The following JAM2 variants were observed in gnomAD, a reference collection of about 807,000 sequenced individuals.
JAM2 encodes the protein junctional adhesion molecule 2, also known as junctional adhesion molecule B.
Under a neutral mutation model 42.0 loss-of-function variants are expected in JAM2, and 17 were observed. The ratio of observed to expected loss-of-function variants is 0.40; its 90% CI spans 0.28 to 0.61. The LOEUF is 0.61. Ranked by LOEUF, JAM2 falls within the 20% of genes least tolerant of loss-of-function variation. The pLI, the probability that JAM2 is intolerant of heterozygous loss-of-function variation, is 0.37. For missense variants in JAM2, 319 were observed against 358.3 expected (o/e 0.89, Z 0.89); for synonymous variants, 118 against 128.6 (o/e 0.92, Z 0.56).
intron 1 of JAM2, among the ~76,000 whole-genome samples, chr21:25,653,407 A>G (rs2032836731): frequency 6.6e-6 from 1 of 152,208 alleles, no homozygotes; most frequent in South Asian, 2.1e-4. Context: ...CTGGTGTATT[A>G]GTCTGTTTTC....
Position 25,707,235 on chromosome 21 carries a change from A to G in JAM2, c.805+1149A>G, listed in dbSNP as rs559140208. 2.0e-5 allele frequency among the ~76,000 whole-genome samples: 3 copies of G among 152,212 alleles called. No individual in the cohort carries two copies. In the South Asian group the frequency reaches 6.2e-4, roughly 32 times the overall value. On this transcript the variant is annotated intron_variant, in intron 7 of 9. Transcript: ENST00000480456. ...GGTGGCTCATGCCTGTCATCCTACCACTTTGGGAGTCTGAGGCGGGAGGAT... is the reference window on the plus strand; with the variant it reads ...GGTGGCTCATGCCTGTCATCCTACCGCTTTGGGAGTCTGAGGCGGGAGGAT...
At chr21:25,675,870 G>A (rs958666547) in intron 1 of JAM2, among the ~76,000 whole-genome samples, 34 of 152,086 alleles carry the variant, frequency 2.2e-4, no homozygotes, top group African/African-American at 8.0e-4. Flanking sequence ...TTGTCTTTCA[G>A]TAACTATCAA....
chr21:25,640,373 C>T (rs952662603), intron 1 of JAM2, among the ~76,000 whole-genome samples: 1 of 152,192 alleles, frequency 6.6e-6, no homozygotes, highest in Non-Finnish European at 1.5e-5. Flanking sequence ...ATGCAGCGCA[C>T]TTGTGGGGCG....
chr21:25,663,352 A>T (rs959317588), intron 1 of JAM2, among the ~76,000 whole-genome samples: 10 of 152,210 alleles, frequency 6.6e-5, no homozygotes, highest in African/African-American at 2.4e-4. Flanking sequence ...AAGGAGGATG[A>T]ACTGCAAACT....
chr21:25,657,690 C>T (rs1029045778), intron 1 of JAM2, among the ~76,000 whole-genome samples: 1 of 152,040 alleles, frequency 6.6e-6, no homozygotes, highest in Non-Finnish European at 1.5e-5. Context: ...TTGTATGAGT[C>T]TTTTTTCCCT....
Position 25,694,016 on chromosome 21 carries a change from C to T in JAM2, c.394+108C>T, listed in dbSNP as rs891563972. Reference sequence around the variant, plus strand: ...AAACATGCCAGCATCAACTGGGAGCCTCAACCAGTCAAGTTACAGAGACCA... The same window carrying T: ...AAACATGCCAGCATCAACTGGGAGCTTCAACCAGTCAAGTTACAGAGACCA... On this transcript the variant is annotated intron_variant, in intron 4 of 9. Transcript: ENST00000480456. 7 of 1,038,248 alleles carry T rather than the reference C, an allele frequency of 6.7e-6. No individual in the cohort carries two copies. In the African/African-American group the frequency reaches 8.1e-5, roughly 12 times the overall value. 64.3% of individuals were successfully genotyped at this position (1,038,248 alleles called of 1,614,324 possible).
intron 1 of JAM2, among the ~76,000 whole-genome samples, chr21:25,655,295 T>A (rs913658931): frequency 6.6e-6 from 1 of 151,198 alleles, no homozygotes; most frequent in Non-Finnish European, 1.5e-5. Context: ...TAAAAAACTA[T>A]TTAAATCCAT....
At chr21:25,700,040 G>A (rs2034133544) in intron 5 of JAM2, among the ~76,000 whole-genome samples, 1 of 152,244 alleles carries the variant, frequency 6.6e-6, no homozygotes, top group Non-Finnish European at 1.5e-5. Flanking sequence ...TTACTTTAGA[G>A]TCCAGATATT....
Position 25,708,931 on chromosome 21 carries a change from G to A in JAM2, c.806-503G>A, listed in dbSNP as rs1211262654. 4.6e-5 allele frequency among the ~76,000 whole-genome samples: 7 copies of A among 152,148 alleles called. No individual in the cohort carries two copies. The East Asian group carries it at 1.4e-3, about 29-fold the overall frequency. On this transcript the variant is annotated intron_variant, in intron 7 of 9. Coordinates refer to ENST00000480456, the MANE Select transcript of JAM2 (RefSeq NM_021219.4). ...TCTTGAATATATGTTTAGGACAGAG[G>A]TTGGCAGACTACTATCTGTGGACCA...
chr21:25,714,731 A>G lies in JAM2; in HGVS notation c.*59A>G. On this transcript the variant is annotated 3_prime_UTR_variant, in exon 10 of 10. Coordinates refer to ENST00000480456, the MANE Select transcript of JAM2 (RefSeq NM_021219.4). ...TTGTTACACAAGTTATTAAACTATTATAAAACTCTGCTTTGTCCGACATTT... is the reference window on the plus strand; with the variant it reads ...TTGTTACACAAGTTATTAAACTATTGTAAAACTCTGCTTTGTCCGACATTT... 1 of 1,138,958 alleles carries G rather than the reference A, an allele frequency of 8.8e-7. No homozygotes were observed. The highest frequency in any genetic ancestry group is 1.2e-6 in the Non-Finnish European group (1 of 813,364). The allele number at this position is 1,138,958 out of a possible 1,614,324, so 70.6% of individuals were successfully genotyped here.
rs2032368409 is a variant in JAM2 at position 25,639,688 on chromosome 21, C to T, written c.-134C>T. On this transcript the variant is annotated 5_prime_UTR_variant, in exon 1 of 10. Transcript: ENST00000480456. The stretch of plus-strand genomic sequence containing the variant: ...GGGGAAACTGACATCCCATCTAGAG[C>T]CGTCCCTCCTCTTCCTCCCCTCCCG... The T allele has an allele frequency of 1.7e-6, 1 of 594,578 alleles. No individual in the cohort carries two copies. The highest frequency in any genetic ancestry group is 2.1e-5 in the South Asian group (1 of 48,672). The allele number at this position is 594,578 out of a possible 1,614,324, so 36.8% of individuals were successfully genotyped here.
At chr21:25,701,263 G>A (rs1054409792) in intron 5 of JAM2, among the ~76,000 whole-genome samples, 1 of 151,976 alleles carries the variant, frequency 6.6e-6, no homozygotes, top group African/African-American at 2.4e-5. Flanking sequence ...TCCATAGAGT[G>A]GAAAAAAAGA....
chr21:25,667,935 A>G (rs776952113), intron 1 of JAM2, among the ~76,000 whole-genome samples: 5 of 152,228 alleles, frequency 3.3e-5, no homozygotes, highest in Admixed American at 3.3e-4. Flanking sequence ...GGAATCAGGA[A>G]TGTCGAAGGG....
Position 25,639,745 on chromosome 21 carries a change from A to T in JAM2, c.-77A>T. 2 of 941,344 alleles carry T rather than the reference A, an allele frequency of 2.1e-6. No homozygotes were observed. Among genetic ancestry groups the T allele is most frequent in the South Asian group, 3.0e-5 (2 of 66,218 alleles). 58.3% of individuals were successfully genotyped at this position (941,344 alleles called of 1,614,324 possible). A position where few individuals can be genotyped will look rare whatever the true frequency, so the allele number is the denominator to read the frequency against. ...TGCTCCTTTCCCGCCCCAGAAGTTCAAGGGCCCCCGGCCTCCTGCGCTCCT... is the reference window on the plus strand; with the variant it reads ...TGCTCCTTTCCCGCCCCAGAAGTTCTAGGGCCCCCGGCCTCCTGCGCTCCT... On this transcript the variant is annotated 5_prime_UTR_variant, in exon 1 of 10. Transcript: ENST00000480456.
At chr21:25,655,716 G>A (rs534606804) in intron 1 of JAM2, among the ~76,000 whole-genome samples, 48 of 132,918 alleles carry the variant, frequency 3.6e-4, no homozygotes, top group African/African-American at 1.3e-3. Context: ...GGCTGGTCTC[G>A]AACTCTTGAC....
At chr21:25,688,544 G>A (rs1008930321) in intron 2 of JAM2, among the ~76,000 whole-genome samples, 1 of 152,150 alleles carries the variant, frequency 6.6e-6, no homozygotes, top group African/African-American at 2.4e-5. Context: ...CTTAGCACAC[G>A]TTTGTCTTTG....
At chr21:25,688,534 C>T (rs2033806453) in intron 2 of JAM2, among the ~76,000 whole-genome samples, 2 of 152,192 alleles carry the variant, frequency 1.3e-5, no homozygotes, top group African/African-American at 2.4e-5. Flanking sequence ...AGACAGGTCC[C>T]TTAGCACACG....
chr21:25,695,217 CA>C (rs1388550087), intron 4 of JAM2, among the ~76,000 whole-genome samples: 1 of 152,134 alleles, frequency 6.6e-6, no homozygotes, highest in Non-Finnish European at 1.5e-5. Flanking sequence ...ATCTGTTTAA[CA>C]AAGCACATCT....
Position 25,639,639 on chromosome 21 carries a change from C to A in JAM2, c.-183C>A. ...GCTGGAGGACCCGCCTCTTGGCAGC[C>A]AGCTGAGAAGGCGCCCCGGGGAGGG... On this transcript the variant is annotated 5_prime_UTR_variant, in exon 1 of 10. Transcript: ENST00000480456. 1 of 536,828 alleles carries A rather than the reference C, an allele frequency of 1.9e-6. No individual in the cohort carries two copies. Among genetic ancestry groups the A allele is most frequent in the Non-Finnish European group, 3.3e-6 (1 of 303,390 alleles). 33.3% of individuals were successfully genotyped at this position (536,828 alleles called of 1,614,324 possible).
Sources: allele counts gnomAD v4.1 joint callset (sites outside exome capture counted in the v4.1 genomes callset), GRCh38; gene constraint gnomAD v4.1.1; transcripts MANE v1.5; gene names NCBI Gene and HGNC (gene_info 2026-07-23, HGNC 2026-07-21).